The following CUL1 variants were observed in gnomAD, a reference collection of about 807,000 sequenced individuals.
CUL1 encodes the protein cullin 1.
In CUL1, 24 loss-of-function variants were observed where a neutral mutation model predicts 118.0. The observed-to-expected ratio is 0.20, with a 90% confidence interval of 0.15 to 0.29. The LOEUF (loss-of-function observed/expected upper bound fraction) is 0.29, where lower values mean the gene tolerates loss of function less well. CUL1 is among the 10% of genes least tolerant of loss of function. CUL1 has a pLI of 1.00. For missense variants in CUL1, 361 were observed against 933.8 expected (o/e 0.39, Z 7.99); for synonymous variants, 332 against 340.4 (o/e 0.98, Z 0.27).
At chr7:148,707,963 T>G (rs1002686710) in intron 1 of CUL1, among the ~76,000 whole-genome samples, 10 of 152,152 alleles carry the variant, frequency 6.6e-5, no homozygotes, top group Admixed American at 6.5e-4. Flanking sequence ...CCCTTCTGAG[T>G]AGGGGCCACA....
intron 1 of CUL1, among the ~76,000 whole-genome samples, chr7:148,713,966 T>C (rs243534): frequency 0.45 from 68,356 of 151,992 alleles, 16,367 homozygotes; most frequent in African/African-American, 0.63. Flanking sequence ...GTGATCCACC[T>C]GCCTCGGCCT....
chr7:148,785,094 A>G (rs1036548230), intron 11 of CUL1, among the ~76,000 whole-genome samples: 7 of 152,218 alleles, frequency 4.6e-5, no homozygotes, highest in Non-Finnish European at 1.0e-4. Flanking sequence ...GATGAAGGTC[A>G]ATAGCTTTCT....
intron 9 of CUL1, among the ~76,000 whole-genome samples, chr7:148,776,987 C>G (rs745577166): frequency 1.3e-5 from 2 of 152,220 alleles, no homozygotes; most frequent in African/African-American, 4.8e-5. Context: ...AGTCTTAGTT[C>G]TGCTTTCAAA....
chr7:148,711,833 A>C (rs1367271968), intron 1 of CUL1, among the ~76,000 whole-genome samples: 1 of 152,206 alleles, frequency 6.6e-6, no homozygotes, highest in Non-Finnish European at 1.5e-5. Flanking sequence ...GGAAATTTGG[A>C]AATTAGTTGA....
At chr7:148,738,186 A>G (rs1291887340) in intron 2 of CUL1, among the ~76,000 whole-genome samples, 5 of 152,178 alleles carry the variant, frequency 3.3e-5, no homozygotes, top group Non-Finnish European at 4.4e-5. Flanking sequence ...ACATTTGAGA[A>G]TACTGGCTCC....
At chr7:148,736,040 A>G (rs1254233545) in intron 2 of CUL1, among the ~76,000 whole-genome samples, 2 of 148,004 alleles carry the variant, frequency 1.4e-5, no homozygotes. Context: ...CAGGTGTGGT[A>G]GTGCATGCCT....
chr7:148,785,943 T>A (rs1800802142), intron 11 of CUL1, among the ~76,000 whole-genome samples: 1 of 152,174 alleles, frequency 6.6e-6, no homozygotes, highest in Non-Finnish European at 1.5e-5. Context: ...GGTGGCTGAT[T>A]CGTTTTATAT....
chr7:148,697,758 T>G (rs1267135289), upstream of CUL1: 2 of 152,256 alleles, frequency 1.3e-5, no homozygotes, highest in African/African-American at 4.8e-5. Flanking sequence ...GCCGTGGTAT[T>G]AATCAGCCAC....
chr7:148,800,687 C>T lies in CUL1; in HGVS notation c.*105C>T. The stretch of plus-strand genomic sequence containing the variant: ...CAGCCAGCCTGCCGCCATTGGACCT[C>T]CCTTTTAAAAACTGAGACCAAGACT... On this transcript the variant is annotated 3_prime_UTR_variant, in exon 22 of 22. Coordinates refer to ENST00000325222, the MANE Select transcript of CUL1 (RefSeq NM_003592.3). This position sits in a 1 kb window ranked among gnomAD's most constrained non-coding sequence, Gnocchi z 4.6. 2 of 855,254 alleles carry T rather than the reference C, an allele frequency of 2.3e-6. No individual in the cohort carries two copies. The highest frequency in any genetic ancestry group is 3.8e-6 in the Non-Finnish European group (2 of 533,012). 53.0% of individuals were successfully genotyped at this position (855,254 alleles called of 1,614,324 possible).
intron 2 of CUL1, among the ~76,000 whole-genome samples, chr7:148,730,638 G>A (rs535417606): frequency 1.3e-5 from 2 of 152,304 alleles, no homozygotes; most frequent in African/African-American, 4.8e-5. Context: ...ACGTCCATTT[G>A]TTTATATATT....
At chr7:148,705,950 C>T (rs1249840059) in intron 1 of CUL1, among the ~76,000 whole-genome samples, 1 of 152,044 alleles carries the variant, frequency 6.6e-6, no homozygotes, top group Non-Finnish European at 1.5e-5. Context: ...GTTGAGCATC[C>T]CTAATTTGAA....
intron 1 of CUL1, among the ~76,000 whole-genome samples, chr7:148,709,954 A>G (rs1490719866): frequency 6.6e-6 from 1 of 151,962 alleles, no homozygotes; most frequent in East Asian, 1.9e-4. Context: ...GTGGTGGCCC[A>G]CACCTGTGGT....
intron 2 of CUL1, among the ~76,000 whole-genome samples, chr7:148,733,010 G>A (rs1223831493): frequency 6.6e-6 from 1 of 152,064 alleles, no homozygotes; most frequent in Non-Finnish European, 1.5e-5. Context: ...ACCTCATTAA[G>A]CCTTATCTCA....
chr7:148,790,744 C>T (rs187159482), intron 16 of CUL1, among the ~76,000 whole-genome samples: 17 of 152,182 alleles, frequency 1.1e-4, no homozygotes, highest in Admixed American at 2.6e-4. Context: ...TGTTTGGCAC[C>T]GCTCCTGCCT....
chr7:148,756,376 C>T (rs1799657828), intron 3 of CUL1, among the ~76,000 whole-genome samples: 2 of 151,928 alleles, frequency 1.3e-5, no homozygotes, highest in Non-Finnish European at 2.9e-5. Flanking sequence ...TGCTCTGTCG[C>T]CCAGGCTAGA....
At chr7:148,730,676 C>T (rs1161519048) in intron 2 of CUL1, among the ~76,000 whole-genome samples, 1 of 152,198 alleles carries the variant, frequency 6.6e-6, no homozygotes, top group East Asian at 1.9e-4. Context: ...GTTATGGGAA[C>T]AGAGTTAAGT....
Position 148,790,352 on chromosome 7 carries a change from C to T in CUL1, c.1717C>T (p.Arg573Cys), listed in dbSNP as rs1211952562. The T allele has an allele frequency of 8.1e-6, 13 of 1,613,938 alleles. No homozygotes were observed. The highest frequency in any genetic ancestry group is 2.2e-5 in the South Asian group (2 of 91,080). ...GCGATTCACAGCTTTCTACGCCAGC[C>T]GCCACAGTGGCCGAAAATTGACGTG... ...YQRFTAFYAS[R>C]HSGRKLTWLY... The change falls in exon 16 of 22, where the codon CGC (arginine) becomes TGC (cysteine). Residue 573 changes from arginine (R) to cysteine (C), a missense_variant. By Grantham distance (180) the Arg-to-Cys change is radical. Around this residue, in one of 7 missense-constraint regions of CUL1, gnomAD observed 84 missense variants for 203.3 expected, o/e 0.41. Transcript: ENST00000325222.
At chr7:148,768,585 G>C (rs1800088437) in intron 9 of CUL1, among the ~76,000 whole-genome samples, 1 of 151,784 alleles carries the variant, frequency 6.6e-6, no homozygotes. Context: ...GGGTTTCGCT[G>C]TGTTGGCCAG....
intron 2 of CUL1, among the ~76,000 whole-genome samples, chr7:148,745,428 T>TCCAACACTAGGCCACTTTTC (rs1799281814): frequency 6.6e-6 from 1 of 152,224 alleles, no homozygotes; most frequent in Admixed American, 6.5e-5. Flanking sequence ...ATTCCCTTCT[T>TCCAACACTAGGCCACTTTTC]CCAACACTAG....
Sources: gnomAD v4.1 joint callset for allele counts (sites outside exome capture counted in the v4.1 genomes callset) on GRCh38, gnomAD v4.1.1 for gene constraint, gnomAD v4.1.1 regional missense constraint, Gnocchi (gnomAD v3.1) non-coding constraint, MANE v1.5 for transcripts, NCBI Gene and HGNC (gene_info 2026-07-23, HGNC 2026-07-21) for gene names.